ANKFY1: variants seen among roughly 807,000 people sequenced by gnomAD.
ANKFY1 encodes the protein ankyrin repeat and FYVE domain-containing protein 1.
A neutral mutation model predicts 128.3 loss-of-function variants in ANKFY1; 47 were observed. The observed-to-expected ratio is 0.37, with a 90% CI of 0.29 to 0.47. The LOEUF is 0.47. Among genes scored for constraint, ANKFY1 ranks in the 20% least tolerant of loss-of-function variants. ANKFY1 has a pLI of 1.00. For synonymous variants in ANKFY1, 553 were observed against 601.6 expected, an observed-to-expected ratio of 0.92 and a Z score of 1.18; for missense variants, 1,222 against 1,510.6, an observed-to-expected ratio of 0.81 and a Z score of 3.17.
rs2142999275 is a variant in ANKFY1, at chr17:4,169,667, A to C, written c.3287-379T>G. 6.6e-6 allele frequency among the ~76,000 whole-genome samples: 1 copy of C among 152,300 alleles called. No individual in the cohort carries two copies. The highest frequency in any genetic ancestry group is 6.5e-5 in the Admixed American group (1 of 15,300). The stretch of plus-strand genomic sequence containing the variant: ...CTAAGACAAGAGAAATTGAGGAGGC[A>C]AAATCTGTAACTCAGTGACTGAACA... On this transcript the variant is annotated intron_variant, in intron 23 of 24. Coordinates refer to ENST00000341657, the MANE Select transcript of ANKFY1 (RefSeq NM_001330063.2). This position sits in a 1 kb window ranked among gnomAD's most constrained non-coding sequence, Gnocchi z 5.0.
intron 1 of ANKFY1, among the ~76,000 whole-genome samples, chr17:4,252,199 T>C (rs183453944): frequency 9.0e-4 from 137 of 152,226 alleles, no homozygotes; most frequent in Middle Eastern, 3.4e-3. Context: ...GTAATTAAGA[T>C]GCAAATTGAA....
At chr17:4,207,585 A>G (rs1049949993) in intron 6 of ANKFY1, among the ~76,000 whole-genome samples, 5 of 152,188 alleles carry the variant, frequency 3.3e-5, no homozygotes, top group African/African-American at 9.7e-5. Context: ...ACTGTAAGGC[A>G]ATACATTTGT....
At chr17:4,193,437 T>C (rs2059754282) in intron 10 of ANKFY1, among the ~76,000 whole-genome samples, 1 of 79,852 alleles carries the variant, frequency 1.3e-5, no homozygotes, top group African/African-American at 3.3e-5. Context: ...TTTTTTTTTT[T>C]TTTTTTTTGA....
intron 3 of ANKFY1, among the ~76,000 whole-genome samples, chr17:4,234,495 G>A (rs1439592702): frequency 3.3e-5 from 5 of 151,662 alleles, no homozygotes; most frequent in Non-Finnish European, 7.4e-5. Context: ...GGCCAATGTA[G>A]CTATTAATTT....
chr17:4,196,845 A>C (rs1167425758), intron 8 of ANKFY1, among the ~76,000 whole-genome samples: 2 of 152,164 alleles, frequency 1.3e-5, no homozygotes, highest in African/African-American at 2.4e-5. Flanking sequence ...TAAAAGCTCG[A>C]AAACTGGCTC....
chr17:4,183,261 T>G, intron 14 of ANKFY1, 137 bp downstream of exon 14: 1 of 992,362 alleles, frequency 1.0e-6, no homozygotes, highest in Non-Finnish European at 1.5e-6. Context: ...ACACCGCAGT[T>G]GTGTGTTTCT....
Position 4,217,004 on chromosome 17 carries a change from T to G in ANKFY1, c.437A>C (p.Gln146Pro), listed in dbSNP as rs1470673706. ...TELMKLANRF[Q>P]LQLLRERCEK... ...TTGCCTCTCCCTGAGGAGCTGTAGC[T>G]GAAACCGATTTGCTAGTTTCATCAG... The change falls in exon 4 of 25, where the codon CAG (glutamine) becomes CCG (proline). Residue 146 changes from glutamine to proline, a missense_variant. Physicochemically the swap from Gln to Pro is moderately conservative, Grantham distance 76. Transcript: ENST00000341657. The G allele has an allele frequency of 6.2e-7, 1 of 1,614,084 alleles. No individual in the cohort carries two copies. The highest frequency in any genetic ancestry group is 8.5e-7 in the Non-Finnish European group (1 of 1,180,034).
intron 1 of ANKFY1, among the ~76,000 whole-genome samples, chr17:4,257,504 A>G (rs938760914): frequency 6.6e-6 from 1 of 152,082 alleles, no homozygotes; most frequent in African/African-American, 2.4e-5. Context: ...TAGAACAGTG[A>G]CCTCTCCTCA....
At chr17:4,251,907 G>A (rs867002069) in intron 1 of ANKFY1, among the ~76,000 whole-genome samples, 4 of 151,954 alleles carry the variant, frequency 2.6e-5, no homozygotes, top group South Asian at 2.1e-4. Flanking sequence ...AGTGGCGTGC[G>A]CCTGTAGTCC....
At chr17:4,197,613 C>A (rs2059849909) in intron 7 of ANKFY1, 36 bp from the exon 8 acceptor site, 2 of 1,592,950 alleles carry the variant, frequency 1.3e-6, no homozygotes. Flanking sequence ...AGTGTCAGGG[C>A]AAAGTATTCT....
In ANKFY1 at chr17:4,173,346, G is replaced by A. The variant is rs764396640; in HGVS notation, c.3014+8C>T. The A allele has an allele frequency of 1.5e-5, 24 of 1,613,544 alleles. No individual in the cohort carries two copies. The highest frequency in any genetic ancestry group is 7.7e-5 in the South Asian group (7 of 91,090). On this transcript the variant is annotated splice_region_variant and intron_variant, in intron 21 of 24. Transcript: ENST00000341657. ...GCCGCGGGGCCTACTCGGGCCCAAC[G>A]CGCTCACCTGAGATTAAAGGCTTCG... is the stretch of plus-strand genomic sequence containing the variant.
At chr17:4,243,333 C>T (rs1000317780) in intron 1 of ANKFY1, among the ~76,000 whole-genome samples, 8 of 151,640 alleles carry the variant, frequency 5.3e-5, no homozygotes, top group South Asian at 2.1e-4. Context: ...CCCAAAGTGT[C>T]GGGAGTACAG....
At chr17:4,175,340 GAAAAAGAAAAA>G (rs1221288573) in intron 19 of ANKFY1, among the ~76,000 whole-genome samples, 4 of 144,030 alleles carry the variant, frequency 2.8e-5, no homozygotes, top group Non-Finnish European at 6.1e-5. Flanking sequence ...CTCAAAAAAG[GAAAAAGAAAAA>G]AAAAAGAAAG....
At chr17:4,223,595 G>A in intron 3 of ANKFY1, 1 of 1,307,000 alleles carries the variant, frequency 7.7e-7, no homozygotes, top group Non-Finnish European at 1.1e-6. Context: ...GGCCTTTGGA[G>A]TGATGCTGTG....
At chr17:4,259,945 G>A (rs1188291898) in intron 1 of ANKFY1, among the ~76,000 whole-genome samples, 1 of 152,168 alleles carries the variant, frequency 6.6e-6, no homozygotes, top group East Asian at 1.9e-4. Flanking sequence ...AAACAGCGGA[G>A]GACTGTTCCA....
At chr17:4,186,887 T>G in intron 11 of ANKFY1, 2 of 1,056,952 alleles carry the variant, frequency 1.9e-6, no homozygotes, top group Non-Finnish European at 2.3e-6. Flanking sequence ...CTGTTAGACA[T>G]CCCTACCTTA....
intron 10 of ANKFY1, among the ~76,000 whole-genome samples, chr17:4,193,064 CT>C (rs1406059056): frequency 1.3e-5 from 2 of 152,104 alleles, no homozygotes; most frequent in Non-Finnish European, 2.9e-5. Context: ...TAATATACCT[CT>C]CAGAAACTGA....
rs371574612 is a variant in ANKFY1 at position 4,169,188 on chromosome 17, G to A, written c.3377+10C>T. 11 of 1,549,242 alleles carry A rather than the reference G, an allele frequency of 7.1e-6. No individual in the cohort carries two copies. The highest frequency in any genetic ancestry group is 9.6e-6 in the Non-Finnish European group (11 of 1,144,916). ...CCCCTCGCTCCTTGCCAGTGACGCTGGGGTCTTACCAGTGGTGTTTGCGAG... is the reference window on the plus strand; with the variant it reads ...CCCCTCGCTCCTTGCCAGTGACGCTAGGGTCTTACCAGTGGTGTTTGCGAG... On this transcript the variant is annotated intron_variant, in intron 24 of 24. Transcript: ENST00000341657. This position sits in a 1 kb window ranked among gnomAD's most constrained non-coding sequence, Gnocchi z 5.0.
intron 2 of ANKFY1, 57 bp from the exon 3 acceptor site, chr17:4,235,947 C>A (rs1166045951): frequency 3.2e-6 from 4 of 1,250,160 alleles, no homozygotes; most frequent in Non-Finnish European, 4.7e-6. Flanking sequence ...CTAGGTATAG[C>A]TAGGATTCAC....
Sources: gnomAD v4.1 joint callset for allele counts (sites outside exome capture counted in the v4.1 genomes callset) on GRCh38, gnomAD v4.1.1 for gene constraint, Gnocchi (gnomAD v3.1) non-coding constraint, MANE v1.5 for transcripts, NCBI Gene and HGNC (gene_info 2026-07-23, HGNC 2026-07-21) for gene names.